MYO15A: variants seen among roughly 807,000 people sequenced by gnomAD.
MYO15A encodes the protein unconventional myosin-XV.
In MYO15A, 308 loss-of-function variants were observed where a neutral mutation model predicts 394.6. The ratio of observed to expected loss-of-function variants is 0.78; its 90% confidence interval spans 0.71 to 0.86. The LOEUF (loss-of-function observed/expected upper bound fraction) is 0.86. MYO15A is among the 40% of genes least tolerant of loss of function. The pLI is 0.00. For missense variants in MYO15A, 4,606 were observed against 4,799.1 expected, an observed-to-expected ratio of 0.96 and a Z score of 1.19; for synonymous variants, 1,957 against 2,003.8, an observed-to-expected ratio of 0.98 and a Z score of 0.62.
intron 40 of MYO15A, 120 bp downstream of exon 40, chr17:18,151,647 T>C: frequency 7.3e-7 from 1 of 1,372,044 alleles, no homozygotes; most frequent in South Asian, 1.2e-5. Context: ...AGGGAGTTTC[T>C]TTATACTGAT....
chr17:18,171,903 C>T (rs542360071), intron 63 of MYO15A, 132 bp downstream of exon 63: 220 of 1,421,176 alleles, frequency 1.5e-4, no homozygotes, highest in Non-Finnish European at 1.9e-4. Flanking sequence ...TGAGCACCTG[C>T]CTGGAGAAAA....
At chr17:18,130,904 T>C (rs2046149394) in intron 8 of MYO15A, 94 bp downstream of exon 8, 3 of 1,338,382 alleles carry the variant, frequency 2.2e-6, no homozygotes, top group Non-Finnish European at 3.1e-6. Context: ...ATGTGCCTGC[T>C]CCTGTGTGGG....
intron 24 of MYO15A, 43 bp from the exon 25 acceptor site, chr17:18,142,713 C>T: frequency 1.3e-6 from 2 of 1,566,850 alleles, no homozygotes; most frequent in Non-Finnish European, 1.8e-6. Context: ...CACCCTGTCA[C>T]CCTGTGGCCC....
Position 18,150,933 on chromosome 17 carries a change from G to T in MYO15A, c.7473+20G>T. ...GCAGAGGTGAGCCTGGCCTGCCCAGGGTGCAGGGGTTGCTTGGAGACACAA... is the reference window on the plus strand; with the variant it reads ...GCAGAGGTGAGCCTGGCCTGCCCAGTGTGCAGGGGTTGCTTGGAGACACAA... On this transcript the variant is annotated intron_variant, in intron 38 of 65. Coordinates refer to ENST00000647165, the MANE Select transcript of MYO15A (RefSeq NM_016239.4). The surrounding 1 kb of genome is among the most constrained non-coding windows in gnomAD (Gnocchi z 4.4). 6.2e-7 allele frequency: 1 copy of T among 1,607,788 alleles called. No homozygotes were observed. Among genetic ancestry groups the T allele is most frequent in the South Asian group, 1.1e-5 (1 of 90,500 alleles).
rs562796189 is a variant in MYO15A at position 18,125,303 on chromosome 17, G to A, written c.3756+72G>A. 55 of 1,448,988 alleles carry A rather than the reference G, an allele frequency of 3.8e-5. No individual in the cohort carries two copies. The East Asian group carries it at 1.0e-3, about 26-fold the overall frequency. 89.8% of individuals were successfully genotyped at this position (1,448,988 alleles called of 1,614,324 possible). On this transcript the variant is annotated intron_variant, in intron 4 of 65. Coordinates refer to ENST00000647165, the MANE Select transcript of MYO15A (RefSeq NM_016239.4). ...GCTGCCTCCTGGGGCCGGGTGGGAC[G>A]CACAGATTTCTCTTGTGGGCCCTAG...
intron 17 of MYO15A, 109 bp from the exon 18 acceptor site, chr17:18,138,701 TC>T: frequency 4.1e-6 from 6 of 1,448,388 alleles, no homozygotes; most frequent in Non-Finnish European, 4.7e-6. Flanking sequence ...TGTGAGTTGT[TC>T]CTCTCTGGTG....
At position 18,148,761 on chromosome 17, in the gene MYO15A, G is replaced by A; in HGVS notation, c.6765G>A (p.Arg2255=). ...CCATTCCTGTGCATGCCATCACCAG[G>A]GGGCTGGCAGATGGCTGGCGCGGCT... ...EEVAGDILRH[R]GLADGWRGWT... Residue 2255 remains arginine, a splice_region_variant and synonymous_variant, in exon 33 of 66, where the codon AGG becomes AGA. Transcript: ENST00000647165. This position sits in a 1 kb window ranked among gnomAD's most constrained non-coding sequence, Gnocchi z 4.8. The A allele has an allele frequency of 6.3e-7, 1 of 1,596,420 alleles. No individual in the cohort carries two copies. The highest frequency in any genetic ancestry group is 8.5e-7 in the Non-Finnish European group (1 of 1,170,718).
In MYO15A at chr17:18,155,312, A is replaced by C. The variant is rs778404517; in HGVS notation, c.8341-2A>C. 1.7e-5 allele frequency: 27 copies of C among 1,613,672 alleles called. No individual in the cohort carries two copies. The highest frequency in any genetic ancestry group is 1.9e-5 in the Non-Finnish European group (23 of 1,180,008). On this transcript the variant is annotated splice_acceptor_variant, in intron 46 of 65. Coordinates refer to ENST00000647165, the MANE Select transcript of MYO15A (RefSeq NM_016239.4). LOFTEE classifies it high-confidence loss of function. ...CTCACACGCCCTTCATCTCTGCCCC[A>C]GGGCAGCGTGGGCACTGGTGTGCAG...
At chr17:18,112,997 G>A (rs915659452) in intron 1 of MYO15A, among the ~76,000 whole-genome samples, 2 of 151,958 alleles carry the variant, frequency 1.3e-5, no homozygotes, top group Admixed American at 6.6e-5. Flanking sequence ...ACAGGCACAC[G>A]CTGCTACACC....
rs1597779702 is a variant in MYO15A at position 18,132,378 on chromosome 17, T to C, written c.4207-75T>C. The C allele has an allele frequency of 8.4e-7, 1 of 1,184,096 alleles. No individual in the cohort carries two copies. Among genetic ancestry groups the C allele is most frequent in the East Asian group, 2.3e-5 (1 of 42,784 alleles). The allele number at this position is 1,184,096 out of a possible 1,614,324, so 73.3% of individuals were successfully genotyped here. On this transcript the variant is annotated intron_variant, in intron 10 of 65. Transcript: ENST00000647165. This position sits in a 1 kb window ranked among gnomAD's most constrained non-coding sequence, Gnocchi z 4.6. ...TGTGCATGTGCACTTGTGGGCAGGC[T>C]TGGGCTTGTATGTGTGCCTGGGGGT... is the stretch of plus-strand genomic sequence containing the variant.
At position 18,155,841 on chromosome 17, in the gene MYO15A, G is replaced by T. The variant is rs1036812807; in HGVS notation, c.8460-354G>T. ...CCTTTTTAACACGAGGATGGGAATGGAACCTTGCTAACTGGTTAGGTAAAA... is the reference window on the plus strand; with the variant it reads ...CCTTTTTAACACGAGGATGGGAATGTAACCTTGCTAACTGGTTAGGTAAAA... On this transcript the variant is annotated intron_variant, in intron 47 of 65. Coordinates refer to ENST00000647165, the MANE Select transcript of MYO15A (RefSeq NM_016239.4). 1.6e-4 allele frequency: 70 copies of T among 427,162 alleles called. 2 individuals carry two copies. The East Asian group carries it at 3.1e-3, about 19-fold the overall frequency. 26.5% of individuals were successfully genotyped at this position (427,162 alleles called of 1,614,324 possible).
Position 18,147,957 on chromosome 17 carries a change from C to T in MYO15A, c.6510-72C>T. ...AGACTAGCCTCAGAATTTCCTACCC[C>T]CACCCCGCAGCCCTCAGCCCCAAGC... On this transcript the variant is annotated intron_variant, in intron 30 of 65. Transcript: ENST00000647165. The surrounding 1 kb of genome is among the most constrained non-coding windows in gnomAD (Gnocchi z 4.4). 3.8e-6 allele frequency: 6 copies of T among 1,586,518 alleles called. No homozygotes were observed. In the South Asian group the frequency reaches 6.7e-5, roughly 18 times the overall value.
At chr17:18,156,149 G>A (rs1413246893) in intron 47 of MYO15A, 46 bp from the exon 48 acceptor site, 5 of 1,613,206 alleles carry the variant, frequency 3.1e-6, no homozygotes, top group Non-Finnish European at 4.2e-6. Flanking sequence ...GGTGGAAGGA[G>A]GGCATCCCTC....
At chr17:18,156,085 C>G (rs776580047) in intron 47 of MYO15A, 110 bp from the exon 48 acceptor site, 71 of 1,555,830 alleles carry the variant, frequency 4.6e-5, no homozygotes, top group Middle Eastern at 2.2e-4. Context: ...ACAATGGGGC[C>G]AAGGTGGGGC....
Position 18,178,859 on chromosome 17 carries a change from A to G in MYO15A, c.10582A>G (p.Thr3528Ala). The stretch of plus-strand genomic sequence containing the variant: ...GCTCACATTGCCCCCCAGCGAGATC[A>G]CCCTGCTCTGACCCAGCCCCCAGCC... ...KRLTLPPSEI[T>A]LL The change falls in exon 66 of 66, where the codon ACC becomes GCC. Residue 3528 changes from threonine (T) to alanine (A), a missense_variant. Thr to Ala is a moderately conservative substitution (Grantham distance 58, BLOSUM62 0). Transcript: ENST00000647165. 6.2e-7 allele frequency: 1 copy of G among 1,612,914 alleles called. No individual in the cohort carries two copies. Among genetic ancestry groups the G allele is most frequent in the African/African-American group, 1.3e-5 (1 of 74,948 alleles).
In MYO15A at chr17:18,163,805, A is replaced by G. The variant is rs147458358; in HGVS notation, c.9754A>G (p.Asn3252Asp). ...GGCTCTGACACGCCCTGAGGCCTTC[A>G]ATGAATATGTTATCTTCGTTGTCAC... Reference protein sequence around the residue: ...EMALTRPEAFNEYVIFVVTNR... With the variant: ...EMALTRPEAFDEYVIFVVTNR... The change falls in exon 60 of 66, where the codon AAT becomes GAT. Residue 3252 changes from asparagine to aspartate, a missense_variant. By Grantham distance (23) the Asn-to-Asp change is conservative. Coordinates refer to ENST00000647165, the MANE Select transcript of MYO15A (RefSeq NM_016239.4). 1.8e-3 allele frequency: 2,967 copies of G among 1,614,074 alleles called. 11 individuals carry two copies. The Middle Eastern group carries it at 0.02, about 11-fold the overall frequency.
At chr17:18,122,497 C>G (rs2142263913) in intron 2 of MYO15A, 88 bp downstream of exon 2, 6 of 1,509,414 alleles carry the variant, frequency 4.0e-6, no homozygotes, top group Non-Finnish European at 5.3e-6. Context: ...CCTGTGCAAC[C>G]TTGGAGAGAG....
rs746607561 is a variant in MYO15A at position 18,163,301 on chromosome 17, C to G, written c.9670C>G (p.Leu3224Val). Residue 3224 changes from leucine to valine, a missense_variant, in exon 59 of 66, where the codon CTC becomes GTC. Physicochemically the swap from Leu to Val is conservative, Grantham distance 32. This residue lies in a region of MYO15A where 2,776 missense variants were observed against 3,109.3 expected (regional missense o/e 0.89). Coordinates refer to ENST00000647165, the MANE Select transcript of MYO15A (RefSeq NM_016239.4). ...FLLPGGLERH[L>V]KIKTCTVALD... ...TCTTCCTGGAGGCCTTGAACGCCAT[C>G]TCAAAATCAAAACATGCACTGTAAG... 1 of 1,614,092 alleles carries G rather than the reference C, an allele frequency of 6.2e-7. No individual in the cohort carries two copies. The highest frequency in any genetic ancestry group is 8.5e-7 in the Non-Finnish European group (1 of 1,180,026).
intron 5 of MYO15A, 89 bp downstream of exon 5, chr17:18,126,545 TG>T: frequency 3.9e-6 from 5 of 1,285,548 alleles, no homozygotes; most frequent in Non-Finnish European, 5.5e-6. Flanking sequence ...ACCTGAGCCA[TG>T]AGTCAGAGGT....
Sources: gnomAD v4.1 joint callset for allele counts (sites outside exome capture counted in the v4.1 genomes callset) on GRCh38, gnomAD v4.1.1 for gene constraint, gnomAD v4.1.1 regional missense constraint, Gnocchi (gnomAD v3.1) non-coding constraint, MANE v1.5 for transcripts, NCBI Gene and HGNC (gene_info 2026-07-23, HGNC 2026-07-21) for gene names.